Variants in ROBO2 observed in about 807,000 individuals in gnomAD.
ROBO2 encodes roundabout homolog 2.
ROBO2 carries 53 observed loss-of-function variants against 160.8 expected under a neutral mutation model. The ratio of observed to expected loss-of-function variants is 0.33; its 90% CI spans 0.26 to 0.41. The LOEUF (loss-of-function observed/expected upper bound fraction) is 0.41, where lower values mean the gene tolerates loss of function less well. ROBO2 is among the 10% of genes least tolerant of loss of function. The pLI, the probability that ROBO2 is intolerant of heterozygous loss-of-function variation, is 1.00. For missense variants in ROBO2, 1,577 were observed against 1,722.4 expected (o/e 0.92, Z 1.49); for synonymous variants, 664 against 611.7 (o/e 1.09, Z -1.26).
intron 1 of ROBO2, among the ~76,000 whole-genome samples, chr3:77,091,547 C>T (rs563078026): frequency 2.6e-5 from 4 of 152,242 alleles, no homozygotes; most frequent in Non-Finnish European, 5.9e-5. Flanking sequence ...CTGCATCTGG[C>T]TGACGAACTT....
chr3:76,567,634 T>TATATATATATATAC lies in ROBO2; in HGVS notation c.110-530367_110-530366insCATATATATATATA, dbSNP rs1553805578. Among the ~76,000 whole-genome samples the TATATATATATATAC allele has an allele frequency of 1.5e-3, 131 of 84,574 alleles. 1 individual carries two copies. Among genetic ancestry groups the TATATATATATATAC allele is most frequent in the Non-Finnish European group, 2.7e-3 (111 of 41,100 alleles). 55.5% of individuals were successfully genotyped at this position (84,574 alleles called of 152,430 possible). A position where few individuals can be genotyped will look rare whatever the true frequency, so the allele number is the denominator to read the frequency against. ...ACCAAACTACTGATATATATATATA[T>TATATATATATATAC]ATATATATATATATATATACACATA... On this transcript the variant is annotated intron_variant, in intron 2 of 26. Coordinates refer to the ROBO2 transcript ENST00000487694.
At chr3:77,568,170 C>A (rs1168781112) in intron 12 of ROBO2, 143 bp from the exon 14 acceptor site, 4 of 811,380 alleles carry the variant, frequency 4.9e-6, no homozygotes, top group Non-Finnish European at 6.1e-6. Context: ...TATATATAGG[C>A]TTAAATGCTT....
chr3:77,391,880 A>G (rs1268563847), intron 2 of ROBO2, among the ~76,000 whole-genome samples: 2 of 151,962 alleles, frequency 1.3e-5, no homozygotes, highest in African/African-American at 4.8e-5. Context: ...TTTTTTTGTA[A>G]AGTGATGTAC....
At chr3:77,265,368 T>A (rs1167061366) in intron 2 of ROBO2, among the ~76,000 whole-genome samples, 1 of 152,170 alleles carries the variant, frequency 6.6e-6, no homozygotes, top group Non-Finnish European at 1.5e-5. Context: ...AGAAGATTGA[T>A]CTTGTGGGGA....
chr3:77,425,838 A>G (rs1183675098), intron 2 of ROBO2, among the ~76,000 whole-genome samples: 1 of 151,402 alleles, frequency 6.6e-6, no homozygotes. Flanking sequence ...TAATTTTTGT[A>G]TTTTAGTAGA....
intron 2 of ROBO2, among the ~76,000 whole-genome samples, chr3:76,244,746 G>A (rs1705513120): frequency 1.3e-5 from 2 of 152,124 alleles, no homozygotes; most frequent in Non-Finnish European, 2.9e-5. Context: ...GACAAATTAT[G>A]GGATAATGGG....
chr3:77,563,086 T>C (rs547977124), intron 10 of ROBO2, 81 bp from the exon 12 acceptor site: 6 of 1,365,002 alleles, frequency 4.4e-6, no homozygotes, highest in Admixed American at 3.5e-5. Flanking sequence ...TCAGGTCCTT[T>C]AGTAGACTGC....
intron 2 of ROBO2, among the ~76,000 whole-genome samples, chr3:77,314,701 T>G (rs1008352659): frequency 8.5e-5 from 13 of 152,246 alleles, no homozygotes; most frequent in African/African-American, 3.1e-4. Flanking sequence ...ATATCATCTA[T>G]TTCTTATATT....
chr3:77,314,952 C>T (rs990999381), intron 2 of ROBO2, among the ~76,000 whole-genome samples: 2 of 152,090 alleles, frequency 1.3e-5, no homozygotes, highest in African/African-American at 4.8e-5. Flanking sequence ...AATGAATCTA[C>T]TTGGAAGTTT....
At chr3:76,420,018 G>A (rs1209208344) in intron 2 of ROBO2, among the ~76,000 whole-genome samples, 2 of 151,996 alleles carry the variant, frequency 1.3e-5, no homozygotes, top group African/African-American at 4.8e-5. Flanking sequence ...TCTTCTTTTA[G>A]CGTATTATTC....
In ROBO2 at chr3:76,916,555, C is replaced by T. The variant is rs77273997; in HGVS notation, c.110-181459C>T. On this transcript the variant is annotated intron_variant, in intron 2 of 26. Coordinates refer to the ROBO2 transcript ENST00000487694. Reference sequence around the variant, plus strand: ...GTAGAGACACGGTCTCATTTTGTTACGGAAATCTTCGGAGCTGAAGCCATC... The same window carrying T: ...GTAGAGACACGGTCTCATTTTGTTATGGAAATCTTCGGAGCTGAAGCCATC... 1.3e-3 allele frequency among the ~76,000 whole-genome samples: 166 copies of T among 128,084 alleles called. 26 individuals carry two copies. In the East Asian group the frequency reaches 0.038, roughly 29 times the overall value. 84.0% of individuals were successfully genotyped at this position (128,084 alleles called of 152,430 possible).
intron 2 of ROBO2, among the ~76,000 whole-genome samples, chr3:76,754,722 A>G (rs770260513): frequency 6.6e-6 from 1 of 151,868 alleles, no homozygotes; most frequent in Non-Finnish European, 1.5e-5. Flanking sequence ...GGTTATTGCT[A>G]ATAACATACT....
At chr3:77,054,940 G>A (rs73110487) in intron 1 of ROBO2, among the ~76,000 whole-genome samples, 8 of 85,226 alleles carry the variant, frequency 9.4e-5, no homozygotes, top group Non-Finnish European at 2.4e-4. Flanking sequence ...GTGTGTGTGT[G>A]TGTGTGTGTG....
rs13090750 is a variant in ROBO2, at chr3:77,293,360, A to G, written c.389-184054A>G. 3.4e-3 allele frequency among the ~76,000 whole-genome samples: 410 copies of G among 119,324 alleles called. 1 individual carries two copies. The highest frequency in any genetic ancestry group is 0.01 in the African/African-American group (319 of 31,888). The allele number at this position is 119,324 out of a possible 152,430, so 78.3% of individuals were successfully genotyped here. A position where few individuals can be genotyped will look rare whatever the true frequency, so the allele number is the denominator to read the frequency against. On this transcript the variant is annotated intron_variant, in intron 2 of 25. Coordinates refer to ENST00000461745, the Ensembl canonical transcript of ROBO2. ...GTAAAGACATAAAGTAAAATTGACG[A>G]TTAAACGGGTAAGCTGAGGCTAGAT... is the stretch of plus-strand genomic sequence containing the variant.
intron 2 of ROBO2, among the ~76,000 whole-genome samples, chr3:76,407,994 G>C (rs1315198561): frequency 1.3e-5 from 2 of 151,950 alleles, no homozygotes; most frequent in African/African-American, 4.8e-5. Flanking sequence ...TATATCTTAT[G>C]TGTGGCCCAA....
At chr3:76,212,838 T>G (rs141024596) in intron 2 of ROBO2, among the ~76,000 whole-genome samples, 4 of 77,648 alleles carry the variant, frequency 5.2e-5, no homozygotes, top group Admixed American at 4.8e-4. Context: ...TACTAACCCA[T>G]GGAGCCTCTC....
intron 2 of ROBO2, among the ~76,000 whole-genome samples, chr3:76,544,416 T>A (rs2082982196): frequency 6.6e-6 from 1 of 152,050 alleles, no homozygotes; most frequent in African/African-American, 2.4e-5. Flanking sequence ...TATATTAAAA[T>A]GAATCTATTT....
At chr3:76,757,351 G>C (rs993354832) in intron 2 of ROBO2, among the ~76,000 whole-genome samples, 1 of 151,804 alleles carries the variant, frequency 6.6e-6, no homozygotes, top group South Asian at 2.1e-4. Flanking sequence ...AAAATAAAGA[G>C]AGGAACGCCT....
intron 2 of ROBO2, among the ~76,000 whole-genome samples, chr3:76,286,965 A>C (rs930611936): frequency 6.6e-6 from 1 of 152,184 alleles, no homozygotes; most frequent in African/African-American, 2.4e-5. Context: ...TTTTCTTTCT[A>C]CCGTAAGACC....
Sources: gnomAD v4.1 joint callset for allele counts (sites outside exome capture counted in the v4.1 genomes callset) on GRCh38, gnomAD v4.1.1 for gene constraint, MANE v1.5 for transcripts, NCBI Gene and HGNC (gene_info 2026-07-23, HGNC 2026-07-21) for gene names.